The following MAPRE1 variants were observed in gnomAD, a reference collection of about 807,000 sequenced individuals.
MAPRE1 encodes microtubule associated protein RP/EB family member 1, also known as microtubule-associated protein RP/EB family member 1.
A neutral mutation model predicts 32.1 loss-of-function variants in MAPRE1; 5 were observed. The ratio of observed to expected loss-of-function variants is 0.16; its 90% CI spans 0.08 to 0.33. MAPRE1 has a LOEUF of 0.33. MAPRE1 is among the 10% of genes least tolerant of loss of function. The pLI is 1.00. For missense variants in MAPRE1, 209 were observed against 327.2 expected (o/e 0.64, Z 2.79); for synonymous variants, 122 against 118.9 (o/e 1.03, Z -0.17).
chr20:32,845,280 A>T (rs1273416296), intron 5 of MAPRE1, among the ~76,000 whole-genome samples: 1 of 152,094 alleles, frequency 6.6e-6, no homozygotes, highest in Non-Finnish European at 1.5e-5. Flanking sequence ...GCCTCAAGCG[A>T]TCCTCTCACC....
At chr20:32,828,747 A>T (rs1230609341) in intron 2 of MAPRE1, among the ~76,000 whole-genome samples, 1 of 152,196 alleles carries the variant, frequency 6.6e-6, no homozygotes, top group East Asian at 1.9e-4. Flanking sequence ...GGCACAGCTT[A>T]TGTATTACAG....
chr20:32,831,489 A>G (rs1249078044), intron 2 of MAPRE1, among the ~76,000 whole-genome samples: 1 of 149,210 alleles, frequency 6.7e-6, no homozygotes, highest in African/African-American at 2.5e-5. Context: ...ACTCCTGTGC[A>G]ATTTTGGTAA....
intron 5 of MAPRE1, among the ~76,000 whole-genome samples, chr20:32,846,277 C>T (rs1983503377): frequency 6.6e-6 from 1 of 152,152 alleles, no homozygotes; most frequent in Non-Finnish European, 1.5e-5. Flanking sequence ...TGTCCAGTCC[C>T]TTGGTAAGGA....
At position 32,839,772 on chromosome 20, in the gene MAPRE1, G is replaced by A. The variant is rs774983398; in HGVS notation, c.513G>A (p.Ala171=). 1.5e-5 allele frequency: 25 copies of A among 1,614,010 alleles called. No individual in the cohort carries two copies. Among genetic ancestry groups the A allele is most frequent in the South Asian group, 9.9e-5 (9 of 91,080 alleles). Residue 171 remains alanine (A), a synonymous_variant, in exon 5 of 7, where the codon GCG becomes GCA. Transcript: ENST00000375571. ...QRPISTQRTA[A]APKAGPGVVR... The stretch of plus-strand genomic sequence containing the variant: ...CCATCTCAACACAGAGAACCGCTGC[G>A]GCTCCTAAGGCTGGCCCTGGTGTGG...
At chr20:32,821,455 T>C (rs1363617582) in intron 1 of MAPRE1, among the ~76,000 whole-genome samples, 1 of 152,238 alleles carries the variant, frequency 6.6e-6, no homozygotes, top group Non-Finnish European at 1.5e-5. Flanking sequence ...ACTTTCTCCC[T>C]GAGGTCCAGA....
Position 32,826,025 on chromosome 20 carries a change from C to A in MAPRE1, c.98C>A (p.Thr33Lys). 6.2e-7 allele frequency: 1 copy of A among 1,607,674 alleles called. No homozygotes were observed. The highest frequency in any genetic ancestry group is 8.5e-7 in the Non-Finnish European group (1 of 1,175,020). ...WINESLQLNL[T>K]KIEQLCSGAA... The stretch of plus-strand genomic sequence containing the variant: ...AATGAGTCTCTGCAGTTGAATCTGA[C>A]AAAGATCGAACAGTTGTGCTCAGGT... The change falls in exon 2 of 7, where the codon ACA becomes AAA. Residue 33 changes from threonine (T) to lysine (K), a missense_variant. Physicochemically the swap from Thr to Lys is moderately conservative, Grantham distance 78 (BLOSUM62 -1). Coordinates refer to ENST00000375571, the MANE Select transcript of MAPRE1 (RefSeq NM_012325.3).
At chr20:32,835,680 A>ACTGCAACCTCCACCTCC (rs1263875568) in intron 3 of MAPRE1, among the ~76,000 whole-genome samples, 1 of 151,186 alleles carries the variant, frequency 6.6e-6, no homozygotes, top group African/African-American at 2.4e-5. Context: ...ATCTCAGCTC[A>ACTGCAACCTCCACCTCC]CTGCAACCTC....
At chr20:32,834,228 A>C (rs1172612499) in intron 3 of MAPRE1, among the ~76,000 whole-genome samples, 1 of 152,236 alleles carries the variant, frequency 6.6e-6, no homozygotes, top group Admixed American at 6.5e-5. Context: ...GTTCCAGTAG[A>C]GAAGATTCTA....
intron 1 of MAPRE1, among the ~76,000 whole-genome samples, chr20:32,825,520 C>T (rs962591805): frequency 5.3e-5 from 8 of 152,072 alleles, no homozygotes; most frequent in Admixed American, 1.3e-4. Context: ...CTAGGCTGGG[C>T]GCAGTGGCTC....
chr20:32,838,056 C>A (rs1983248693), intron 4 of MAPRE1, among the ~76,000 whole-genome samples: 1 of 152,138 alleles, frequency 6.6e-6, no homozygotes, highest in Non-Finnish European at 1.5e-5. Context: ...ACACTGCAGC[C>A]TGGGTGAGAG....
chr20:32,846,186 T>A (rs960404169), intron 5 of MAPRE1, among the ~76,000 whole-genome samples: 1 of 152,198 alleles, frequency 6.6e-6, no homozygotes, highest in Admixed American at 6.5e-5. Flanking sequence ...GCACTTTCCA[T>A]TGGGCTTCCA....
chr20:32,819,836 C>T (rs1015983898), upstream of MAPRE1: 2 of 152,084 alleles, frequency 1.3e-5, no homozygotes, highest in African/African-American at 4.8e-5. Flanking sequence ...CCGAGCTCCG[C>T]CCCCGGCGCG....
intron 2 of MAPRE1, among the ~76,000 whole-genome samples, chr20:32,829,963 G>C (rs1037305071): frequency 1.3e-5 from 2 of 151,390 alleles, no homozygotes; most frequent in African/African-American, 4.8e-5. Context: ...TTTTATGAGA[G>C]CTTTTTTTTG....
chr20:32,839,561 CAGT>C (rs1462670898), intron 4 of MAPRE1, among the ~76,000 whole-genome samples, 171 bp from the exon 5 acceptor site: 1 of 152,188 alleles, frequency 6.6e-6, no homozygotes, highest in Non-Finnish European at 1.5e-5. Flanking sequence ...AGAAACCACT[CAGT>C]AGGCAAATGT....
chr20:32,831,875 A>G (rs1044738035), intron 2 of MAPRE1, among the ~76,000 whole-genome samples: 3 of 151,642 alleles, frequency 2.0e-5, no homozygotes, highest in African/African-American at 7.3e-5. Context: ...GTACTGGGTA[A>G]AATACCACTG....
intron 1 of MAPRE1, among the ~76,000 whole-genome samples, chr20:32,821,528 C>G (rs910936935): frequency 3.3e-5 from 5 of 152,170 alleles, no homozygotes; most frequent in African/African-American, 1.2e-4. Flanking sequence ...GTTTTTGGCA[C>G]AGAGGGAAGC....
intron 1 of MAPRE1, among the ~76,000 whole-genome samples, chr20:32,822,832 C>G (rs977798051): frequency 6.6e-6 from 1 of 152,050 alleles, no homozygotes; most frequent in Non-Finnish European, 1.5e-5. Context: ...TCAGAAATAA[C>G]GAGATAATGA....
rs371221771 is a variant in MAPRE1, at chr20:32,846,714, G to A, written c.694G>A (p.Glu232Lys). ...CATTGAATTGATTTGCCAGGAGAAC[G>A]AGGGGGAAAACGACCCTGTATTGCA... is the stretch of plus-strand genomic sequence containing the variant. ...RNIELICQEN[E>K]GENDPVLQRI... Residue 232 changes from glutamate to lysine, a missense_variant, in exon 6 of 7, where the codon GAG (glutamate) becomes AAG (lysine). Transcript: ENST00000375571. 3 of 1,614,024 alleles carry A rather than the reference G, an allele frequency of 1.9e-6. No homozygotes were observed. Among genetic ancestry groups the A allele is most frequent in the African/African-American group, 1.3e-5 (1 of 74,924 alleles).
At chr20:32,839,283 A>G (rs59413480) in intron 4 of MAPRE1, among the ~76,000 whole-genome samples, 8,899 of 152,276 alleles carry the variant, frequency 0.058, 542 homozygotes, top group African/African-American at 0.16. Flanking sequence ...GCTCATGTCT[A>G]GCGTGAAGTT....
Sources: gnomAD v4.1 joint callset for allele counts (sites outside exome capture counted in the v4.1 genomes callset) on GRCh38, gnomAD v4.1.1 for gene constraint, MANE v1.5 for transcripts, NCBI Gene and HGNC (gene_info 2026-07-23, HGNC 2026-07-21) for gene names.